Variants in SRRM4 observed in about 807,000 individuals in gnomAD.
SRRM4 encodes the protein serine/arginine repetitive matrix 4, also known as serine/arginine repetitive matrix protein 4.
SRRM4 carries 33 observed loss-of-function variants against 68.9 expected under a neutral mutation model. That is an observed-to-expected ratio of 0.48 (90% CI 0.36 to 0.64). The LOEUF (loss-of-function observed/expected upper bound fraction) is 0.64, where lower values mean the gene tolerates loss of function less well. Ranked by LOEUF, SRRM4 falls within the 30% of genes least tolerant of loss-of-function variation. The pLI is 0.00. For synonymous variants in SRRM4, 318 were observed against 318.8 expected (o/e 1.00, Z 0.03); for missense variants, 817 against 827.1 (o/e 0.99, Z 0.15).
In SRRM4 at chr12:119,154,133, A is replaced by G; in HGVS notation, c.1392-110A>G. The G allele has an allele frequency of 9.6e-7, 1 of 1,044,994 alleles. No homozygotes were observed. The highest frequency in any genetic ancestry group is 1.4e-6 in the Non-Finnish European group (1 of 709,066). The allele number at this position is 1,044,994 out of a possible 1,614,324, so 64.7% of individuals were successfully genotyped here. A position where few individuals can be genotyped will look rare whatever the true frequency, so the allele number is the denominator to read the frequency against. ...TCCCTTGCGGCAACGTGCAGACCCC[A>G]TCCCGTGACCCAGTGGGGTGGGAAA... is the stretch of plus-strand genomic sequence containing the variant. On this transcript the variant is annotated intron_variant, in intron 11 of 12. Transcript: ENST00000267260. This position sits in a 1 kb window ranked among gnomAD's most constrained non-coding sequence, Gnocchi z 4.7.
At chr12:119,150,951 G>T in intron 9 of SRRM4, 66 bp from the exon 10 acceptor site, 3 of 1,461,404 alleles carry the variant, frequency 2.1e-6, no homozygotes, top group Non-Finnish European at 2.8e-6. Flanking sequence ...AGGTAGGGAG[G>T]TATTCAAACA....
At chr12:119,040,741 CTTTATT>C (rs1190638669) in intron 1 of SRRM4, among the ~76,000 whole-genome samples, 1 of 151,850 alleles carries the variant, frequency 6.6e-6, no homozygotes, top group Non-Finnish European at 1.5e-5. Flanking sequence ...ATGAGCTACC[CTTTATT>C]TTTATTTTTA....
intron 2 of SRRM4, among the ~76,000 whole-genome samples, chr12:119,113,771 G>A (rs987499185): frequency 3.3e-5 from 5 of 152,178 alleles, no homozygotes; most frequent in Non-Finnish European, 5.9e-5. Flanking sequence ...CTTGAAGAGC[G>A]GAGGTTTTTG....
chr12:119,002,799 A>G (rs75315350), intron 1 of SRRM4, among the ~76,000 whole-genome samples: 82 of 152,180 alleles, frequency 5.4e-4, no homozygotes, highest in African/African-American at 1.9e-3. Flanking sequence ...GCTAAGTATG[A>G]GGAGAGTGAC....
chr12:119,125,757 T>TA (rs35232986), intron 7 of SRRM4, among the ~76,000 whole-genome samples: 3 of 151,898 alleles, frequency 2.0e-5, no homozygotes, highest in Admixed American at 6.6e-5. Context: ...CTGTCTCTAC[T>TA]AAAAATACAA....
chr12:119,083,188 C>T (rs1168063761), intron 1 of SRRM4, among the ~76,000 whole-genome samples: 6 of 151,958 alleles, frequency 3.9e-5, no homozygotes, highest in African/African-American at 1.2e-4. Context: ...CTGCCCATTT[C>T]CCCCCAACCA....
chr12:119,117,130 T>C (rs1209916079), intron 4 of SRRM4, 122 bp downstream of exon 4: 6 of 827,292 alleles, frequency 7.3e-6, no homozygotes, highest in African/African-American at 1.7e-5. Flanking sequence ...ATCTATGTCT[T>C]TTTACGTATT....
chr12:119,070,474 T>A (rs1021880685), intron 1 of SRRM4, among the ~76,000 whole-genome samples: 1 of 152,080 alleles, frequency 6.6e-6, no homozygotes, highest in Non-Finnish European at 1.5e-5. Context: ...GCTTTTGCCT[T>A]GAGGAGCAAA....
intron 1 of SRRM4, among the ~76,000 whole-genome samples, chr12:119,076,927 T>C (rs1402702609): frequency 1.5e-5 from 2 of 137,810 alleles, no homozygotes; most frequent in African/African-American, 5.2e-5. Flanking sequence ...CACTGGGAAA[T>C]GTTCTGGGCT....
chr12:119,130,633 T>C (rs758022051), intron 7 of SRRM4, 45 bp from the exon 8 acceptor site: 2 of 1,580,970 alleles, frequency 1.3e-6, no homozygotes, highest in Non-Finnish European at 1.7e-6. Context: ...CTCCCTACCA[T>C]GCTCCCCTTC....
intron 8 of SRRM4, 66 bp from the exon 9 acceptor site, chr12:119,145,315 T>A: frequency 7.4e-7 from 1 of 1,352,782 alleles, no homozygotes; most frequent in Non-Finnish European, 1.0e-6. Context: ...AAACATTTCT[T>A]GGTTATTTAG....
At chr12:119,129,933 T>A (rs1457581269) in intron 7 of SRRM4, among the ~76,000 whole-genome samples, 3 of 117,546 alleles carry the variant, frequency 2.6e-5, no homozygotes, top group Admixed American at 2.5e-4. Context: ...AGATGGTTAG[T>A]TGGATGGATG....
chr12:119,080,666 A>G (rs530645053), intron 1 of SRRM4, among the ~76,000 whole-genome samples: 10 of 152,306 alleles, frequency 6.6e-5, no homozygotes, highest in Admixed American at 2.0e-4. Context: ...TCACTCAGCT[A>G]GGGGTGGCAG....
At chr12:119,004,025 G>T (rs1953401235) in intron 1 of SRRM4, among the ~76,000 whole-genome samples, 1 of 152,004 alleles carries the variant, frequency 6.6e-6, no homozygotes, top group African/African-American at 2.4e-5. Context: ...TTATGTTCTA[G>T]TCTGGATTTT....
intron 1 of SRRM4, among the ~76,000 whole-genome samples, chr12:119,098,611 C>T (rs750394945): frequency 6.6e-6 from 1 of 152,176 alleles, no homozygotes; most frequent in Non-Finnish European, 1.5e-5. Flanking sequence ...TAAATGACAA[C>T]ATATTATTAA....
intron 1 of SRRM4, among the ~76,000 whole-genome samples, chr12:119,057,134 T>C (rs1194654468): frequency 6.6e-6 from 1 of 152,266 alleles, no homozygotes; most frequent in Non-Finnish European, 1.5e-5. Context: ...TCCATGGTTT[T>C]TATTCTTTCT....
At chr12:119,026,982 A>G (rs1455132935) in intron 1 of SRRM4, among the ~76,000 whole-genome samples, 2 of 152,178 alleles carry the variant, frequency 1.3e-5, no homozygotes, top group Admixed American at 6.5e-5. Context: ...AAGTCTGCTC[A>G]AGAGGCTTTG....
At chr12:118,997,488 G>T (rs1035824391) in intron 1 of SRRM4, among the ~76,000 whole-genome samples, 4 of 152,186 alleles carry the variant, frequency 2.6e-5, no homozygotes, top group African/African-American at 9.7e-5. Flanking sequence ...TCCCCAGCCT[G>T]GAGGCAATCT....
rs1555219575 is a variant in SRRM4, at chr12:119,117,596, G to GCGCACACACACA, written c.437+589_437+590insGCACACACACAC. Among the ~76,000 whole-genome samples the GCGCACACACACA allele has an allele frequency of 2.9e-3, 443 of 150,402 alleles. 2 individuals are homozygous for GCGCACACACACA. The highest frequency in any genetic ancestry group is 0.021 in the Middle Eastern group (6 of 286). The stretch of plus-strand genomic sequence containing the variant: ...GGCCCATGTTCCTGGTGTTCACTGT[G>GCGCACACACACA]CACACACACACACACACACGTGTAT... On this transcript the variant is annotated intron_variant, in intron 4 of 12. Transcript: ENST00000267260.
Sources: allele counts gnomAD v4.1 joint callset (sites outside exome capture counted in the v4.1 genomes callset), GRCh38; gene constraint gnomAD v4.1.1; non-coding constraint Gnocchi (gnomAD v3.1); transcripts MANE v1.5; gene names NCBI Gene and HGNC (gene_info 2026-07-23, HGNC 2026-07-21).